SORCS1: variants seen among roughly 807,000 people sequenced by gnomAD.
The protein encoded by SORCS1 is VPS10 domain-containing receptor SorCS1.
A neutral mutation model predicts 146.1 loss-of-function variants in SORCS1; 60 were observed. The observed-to-expected ratio is 0.41, with a 90% confidence interval of 0.33 to 0.51. The LOEUF is 0.51. SORCS1 is among the 20% of genes least tolerant of loss of function. SORCS1 has a pLI of 0.21. For missense variants in SORCS1, 1,352 were observed against 1,487.6 expected (o/e 0.91, Z 1.50); for synonymous variants, 637 against 584.0 (o/e 1.09, Z -1.31).
chr10:106,692,907 A>G (rs1415602495), intron 9 of SORCS1, among the ~76,000 whole-genome samples: 5 of 152,006 alleles, frequency 3.3e-5, no homozygotes, highest in Admixed American at 3.3e-4. Context: ...ATATAAATGT[A>G]TTAAATTATT....
rs60638647 is a variant in SORCS1, at chr10:106,887,337, T to C, written c.627-57664A>G. ...AATAATTCACATCTTTACAGTATTT[T>C]GGGTTAAAAAATAGAAATCAAGATG... On this transcript the variant is annotated intron_variant, in intron 2 of 25. Transcript: ENST00000263054. Among the ~76,000 whole-genome samples the C allele has an allele frequency of 5.0e-3, 766 of 152,302 alleles. 50 individuals are homozygous for C. The East Asian group carries it at 0.12, about 24-fold the overall frequency.
chr10:106,890,577 A>T (rs146399609), intron 2 of SORCS1, among the ~76,000 whole-genome samples: 5 of 152,364 alleles, frequency 3.3e-5, no homozygotes, highest in Admixed American at 3.3e-4. Context: ...ACATCTTAGG[A>T]AGACAAAGGA....
intron 1 of SORCS1, among the ~76,000 whole-genome samples, chr10:107,113,505 C>A (rs1187611735): frequency 6.6e-6 from 1 of 151,854 alleles, no homozygotes; most frequent in Non-Finnish European, 1.5e-5. Flanking sequence ...TCCTGGCCAA[C>A]ATGGTGAAAT....
At position 106,851,018 on chromosome 10, in the gene SORCS1, C is replaced by T. The variant is rs952305830; in HGVS notation, c.627-21345G>A. Reference sequence around the variant, plus strand: ...CCAACAACAGGTCCCAGTGTTCTACCATATCTCCACTGCCACTACCTTAAT... The same window carrying T: ...CCAACAACAGGTCCCAGTGTTCTACTATATCTCCACTGCCACTACCTTAAT... On this transcript the variant is annotated intron_variant, in intron 2 of 25. Transcript: ENST00000263054. 3.9e-5 allele frequency among the ~76,000 whole-genome samples: 6 copies of T among 152,306 alleles called. No homozygotes were observed. In the South Asian group the frequency reaches 1.0e-3, roughly 26 times the overall value.
At chr10:106,750,874 A>G (rs1439392769) in intron 5 of SORCS1, among the ~76,000 whole-genome samples, 3 of 150,340 alleles carry the variant, frequency 2.0e-5, no homozygotes, top group Non-Finnish European at 4.4e-5. Context: ...CCTGGCTAAC[A>G]CGGTGAAACC....
At chr10:106,588,583 C>T (rs1024211536) in intron 24 of SORCS1, among the ~76,000 whole-genome samples, 2 of 151,938 alleles carry the variant, frequency 1.3e-5, no homozygotes, top group Non-Finnish European at 1.5e-5. Context: ...TTCCTGGGGC[C>T]GGGCGCGGTG....
At chr10:107,092,880 C>G (rs1157476331) in intron 1 of SORCS1, among the ~76,000 whole-genome samples, 1 of 47,056 alleles carries the variant, frequency 2.1e-5, no homozygotes, top group South Asian at 5.9e-4. Flanking sequence ...AAAAGAAGAC[C>G]ATGAAAAAAA....
intron 1 of SORCS1, among the ~76,000 whole-genome samples, chr10:106,988,538 T>C (rs967001): frequency 0.051 from 7,793 of 151,986 alleles, 696 homozygotes; most frequent in African/African-American, 0.17. Flanking sequence ...TGAGTAAATA[T>C]TCTTACTTTT....
intron 4 of SORCS1, among the ~76,000 whole-genome samples, chr10:106,765,803 A>T (rs1859524108): frequency 6.6e-6 from 1 of 151,842 alleles, no homozygotes; most frequent in South Asian, 2.1e-4. Context: ...CCTTGTGGTG[A>T]TCCACAAGCT....
chr10:106,742,434 C>T (rs535692790), intron 5 of SORCS1, among the ~76,000 whole-genome samples: 1 of 152,038 alleles, frequency 6.6e-6, no homozygotes, highest in South Asian at 2.1e-4. Flanking sequence ...GGCTGGAGTA[C>T]AGTGGCACAA....
chr10:107,107,358 T>G (rs1411335999), intron 1 of SORCS1, among the ~76,000 whole-genome samples: 1 of 152,234 alleles, frequency 6.6e-6, no homozygotes, highest in Non-Finnish European at 1.5e-5. Flanking sequence ...AGGAACATAT[T>G]ACTAGACAGT....
intron 19 of SORCS1, among the ~76,000 whole-genome samples, chr10:106,625,188 C>T (rs1239782905): frequency 6.8e-6 from 1 of 148,060 alleles, no homozygotes; most frequent in Non-Finnish European, 1.5e-5. Context: ...TGAGGCTGCA[C>T]ATTGTGTGAT....
intron 1 of SORCS1, among the ~76,000 whole-genome samples, chr10:107,149,615 C>T (rs528571117): frequency 3.9e-5 from 6 of 152,156 alleles, no homozygotes; most frequent in African/African-American, 1.2e-4. Context: ...TGTACGTGCA[C>T]GTGCATGCGC....
intron 1 of SORCS1, among the ~76,000 whole-genome samples, chr10:107,046,516 A>C (rs1053548190): frequency 1.3e-5 from 2 of 152,140 alleles, no homozygotes; most frequent in Non-Finnish European, 2.9e-5. Context: ...CCCCAAATGC[A>C]AAAGTGCCTA....
At chr10:106,652,960 T>A (rs895264121) in intron 17 of SORCS1, among the ~76,000 whole-genome samples, 18 of 152,140 alleles carry the variant, frequency 1.2e-4, no homozygotes, top group African/African-American at 4.3e-4. Flanking sequence ...CGCAAAGGAA[T>A]TTACAATTCA....
At chr10:106,947,706 C>A (rs1365719601) in intron 2 of SORCS1, among the ~76,000 whole-genome samples, 1 of 152,066 alleles carries the variant, frequency 6.6e-6, no homozygotes, top group African/African-American at 2.4e-5. Flanking sequence ...ATTAGCCGGG[C>A]CTGGTGGCAG....
rs746146635 is a variant in SORCS1 at position 106,629,315 on chromosome 10, G to A, written c.2549C>T (p.Ser850Phe). The A allele has an allele frequency of 1.7e-5, 28 of 1,614,070 alleles. No homozygotes were observed. The highest frequency in any genetic ancestry group is 1.6e-4 in the Middle Eastern group (1 of 6,084). The change falls in exon 19 of 26, where the codon TCC becomes TTC. Residue 850 changes from serine to phenylalanine, a missense_variant. Ser to Phe is a radical substitution (Grantham distance 155, BLOSUM62 -2). Coordinates refer to ENST00000263054, the MANE Select transcript of SORCS1 (RefSeq NM_052918.5). ...GACGTGTTTGATCCCATCTTCCATG[G>A]AGCTGAGATTGACGTAAGACACCGC... ...GIAVSYVNLS[S>F]MEDGIKHVYQ...
At chr10:106,855,190 T>C (rs1949736394) in intron 2 of SORCS1, among the ~76,000 whole-genome samples, 1 of 152,206 alleles carries the variant, frequency 6.6e-6, no homozygotes, top group Non-Finnish European at 1.5e-5. Context: ...CTTTAAATAT[T>C]TCATCCCACT....
intron 2 of SORCS1, among the ~76,000 whole-genome samples, chr10:106,926,885 AG>A (rs1554886100): frequency 2.5e-5 from 3 of 120,968 alleles, no homozygotes; most frequent in African/African-American, 1.1e-4. Context: ...AGAGAGAGAG[AG>A]AGAGAGAGAG....
Sources: allele counts gnomAD v4.1 joint callset (sites outside exome capture counted in the v4.1 genomes callset), GRCh38; gene constraint gnomAD v4.1.1; transcripts MANE v1.5; gene names NCBI Gene and HGNC (gene_info 2026-07-23, HGNC 2026-07-21).